Variants in AGBL4 observed in about 807,000 individuals in gnomAD.
The protein encoded by AGBL4 is AGBL carboxypeptidase 4.
Under a neutral mutation model 66.4 loss-of-function variants are expected in AGBL4, and 58 were observed. The observed-to-expected ratio is 0.87, with a 90% CI of 0.71 to 1.09. The LOEUF is 1.09. Ranked by LOEUF, AGBL4 falls within the 50% of genes least tolerant of loss-of-function variation. The pLI is 0.00. For missense variants in AGBL4, 579 were observed against 631.0 expected (o/e 0.92, Z 0.88); for synonymous variants, 234 against 222.9 (o/e 1.05, Z -0.44).
At chr1:49,107,694 T>TGAGAGAGAGA (rs56321932) in intron 4 of AGBL4, among the ~76,000 whole-genome samples, 57 of 113,988 alleles carry the variant, frequency 5.0e-4, no homozygotes, top group South Asian at 2.4e-3. Context: ...TGTGTGTGTG[T>TGAGAGAGAGA]GAGAGAGAGA....
chr1:49,870,378 TCAA>T (rs1646808866), intron 1 of AGBL4, among the ~76,000 whole-genome samples: 1 of 151,936 alleles, frequency 6.6e-6, no homozygotes, highest in African/African-American at 2.4e-5. Flanking sequence ...AACCTTTAAA[TCAA>T]CAACAAAATA....
chr1:48,829,393 C>T (rs1420339097), intron 6 of AGBL4, among the ~76,000 whole-genome samples: 1 of 152,208 alleles, frequency 6.6e-6, no homozygotes, highest in Non-Finnish European at 1.5e-5. Flanking sequence ...CCTGGTGGCC[C>T]ACTAGGACCC....
intron 1 of AGBL4, among the ~76,000 whole-genome samples, chr1:49,989,236 A>G (rs1659740947): frequency 6.6e-6 from 1 of 152,230 alleles, no homozygotes; most frequent in African/African-American, 2.4e-5. Flanking sequence ...AAAACAGTAT[A>G]CAACAGAGCT....
At chr1:48,851,027 G>C (rs1647020682) in intron 6 of AGBL4, among the ~76,000 whole-genome samples, 1 of 152,192 alleles carries the variant, frequency 6.6e-6, no homozygotes, top group African/African-American at 2.4e-5. Flanking sequence ...CAAAATGTTG[G>C]TTGAAAAATC....
intron 3 of AGBL4, among the ~76,000 whole-genome samples, chr1:49,537,488 A>G (rs1570974893): frequency 6.6e-6 from 1 of 152,344 alleles, no homozygotes; most frequent in South Asian, 2.1e-4. Flanking sequence ...TGGGAAAGGG[A>G]CACGAATATT....
At chr1:48,646,149 C>G (rs948852607) in intron 8 of AGBL4, among the ~76,000 whole-genome samples, 1 of 152,126 alleles carries the variant, frequency 6.6e-6, no homozygotes, top group African/African-American at 2.4e-5. Flanking sequence ...AGGGAGGGAA[C>G]AACCTGTGCC....
chr1:49,962,822 T>C (rs1362083578), intron 1 of AGBL4, among the ~76,000 whole-genome samples: 3 of 152,142 alleles, frequency 2.0e-5, no homozygotes, highest in Admixed American at 6.6e-5. Context: ...AGAGGACCTA[T>C]AAGATCTTCT....
intron 6 of AGBL4, among the ~76,000 whole-genome samples, chr1:48,717,496 A>C (rs1647071635): frequency 6.6e-6 from 1 of 151,812 alleles, no homozygotes; most frequent in African/African-American, 2.4e-5. Context: ...TTGACATTTC[A>C]CTCTATGATG....
intron 6 of AGBL4, among the ~76,000 whole-genome samples, chr1:48,685,872 C>A (rs915639103): frequency 2.6e-5 from 4 of 152,208 alleles, no homozygotes; most frequent in Non-Finnish European, 1.5e-5. Flanking sequence ...ATCATGATGG[C>A]AATAGTCACA....
At chr1:49,190,309 T>C (rs1182773106) in intron 4 of AGBL4, among the ~76,000 whole-genome samples, 1 of 152,190 alleles carries the variant, frequency 6.6e-6, no homozygotes, top group African/African-American at 2.4e-5. Flanking sequence ...CCTTGTCTCC[T>C]CAGGGCCTGC....
At chr1:49,589,883 T>C (rs866834547) in intron 3 of AGBL4, among the ~76,000 whole-genome samples, 1 of 152,040 alleles carries the variant, frequency 6.6e-6, no homozygotes, top group African/African-American at 2.4e-5. Flanking sequence ...CTTTATCTTG[T>C]GACAAGTTAC....
At chr1:49,238,806 T>C (rs1327347980) in intron 4 of AGBL4, among the ~76,000 whole-genome samples, 1 of 152,192 alleles carries the variant, frequency 6.6e-6, no homozygotes, top group African/African-American at 2.4e-5. Flanking sequence ...GCACCTTTTA[T>C]TTGTCTGTAC....
chr1:49,845,573 A>C (rs1416091313), intron 2 of AGBL4: 11 of 1,602,900 alleles, frequency 6.9e-6, no homozygotes, highest in Non-Finnish European at 9.4e-6. Flanking sequence ...ACAGGGGAGA[A>C]GCCCTACGAG....
intron 3 of AGBL4, among the ~76,000 whole-genome samples, chr1:49,275,232 TG>T (rs1433091208): frequency 6.6e-6 from 1 of 152,204 alleles, no homozygotes; most frequent in Non-Finnish European, 1.5e-5. Flanking sequence ...AGTGGCCTGA[TG>T]TCTTATCTAC....
intron 2 of AGBL4, among the ~76,000 whole-genome samples, chr1:49,794,650 T>A (rs1364783611): frequency 1.3e-5 from 2 of 151,982 alleles, no homozygotes; most frequent in Admixed American, 1.3e-4. Context: ...TACTTACAAA[T>A]TTTTCTCTCC....
intron 2 of AGBL4, among the ~76,000 whole-genome samples, chr1:49,802,240 G>A (rs564080555): frequency 6.6e-6 from 1 of 151,846 alleles, no homozygotes; most frequent in Non-Finnish European, 1.5e-5. Flanking sequence ...CCCATGTGGA[G>A]AGCCTATAAA....
chr1:48,663,963 TAAAC>T (rs1356450617), intron 6 of AGBL4, among the ~76,000 whole-genome samples: 1 of 152,156 alleles, frequency 6.6e-6, no homozygotes, highest in Admixed American at 6.5e-5. Flanking sequence ...CCTTTTATCT[TAAAC>T]AACTAAAAAA....
intron 4 of AGBL4, among the ~76,000 whole-genome samples, chr1:49,147,672 C>G (rs181910792): frequency 2.0e-5 from 3 of 152,152 alleles, no homozygotes; most frequent in Admixed American, 6.5e-5. Flanking sequence ...ATGCTTCACA[C>G]GCATGCTTGT....
At chr1:49,364,026 T>G (rs1412268401) in intron 3 of AGBL4, among the ~76,000 whole-genome samples, 1 of 152,234 alleles carries the variant, frequency 6.6e-6, no homozygotes, top group African/African-American at 2.4e-5. Context: ...GATTGAATTC[T>G]CAATGACAAG....
Sources: allele counts gnomAD v4.1 joint callset (sites outside exome capture counted in the v4.1 genomes callset), GRCh38; gene constraint gnomAD v4.1.1; transcripts MANE v1.5; gene names NCBI Gene and HGNC (gene_info 2026-07-23, HGNC 2026-07-21).